CFAP92: variants seen among roughly 807,000 people sequenced by gnomAD.
CFAP92 encodes uncharacterized protein CFAP92.
Under a neutral mutation model 106.3 loss-of-function variants are expected in CFAP92, and 86 were observed. That is an observed-to-expected ratio of 0.81 (90% CI 0.68 to 0.97). The LOEUF (loss-of-function observed/expected upper bound fraction) is 0.97. Ranked by LOEUF, CFAP92 falls within the 50% of genes least tolerant of loss-of-function variation. CFAP92 has a pLI of 0.00. For missense variants in CFAP92, 1,204 were observed against 1,283.8 expected, an observed-to-expected ratio of 0.94 and a Z score of 0.95; for synonymous variants, 477 against 506.4, an observed-to-expected ratio of 0.94 and a Z score of 0.78.
the CFAP92 span, among the ~76,000 whole-genome samples, chr3:129,008,143 G>A: frequency 2.6e-5 from 4 of 152,344 alleles, no homozygotes; most frequent in East Asian, 1.9e-4. Context: ...GATACTTAGC[G>A]TGGAGTTTCC....
intron 4 of CFAP92, among the ~76,000 whole-genome samples, chr3:128,985,225 A>G (rs969231315): frequency 6.6e-6 from 1 of 152,196 alleles, no homozygotes; most frequent in African/African-American, 2.4e-5. Flanking sequence ...TTAGGAGGCC[A>G]AGGCAGGAGG....
intron 1 of CFAP92, among the ~76,000 whole-genome samples, chr3:128,999,361 C>T (rs1254376226): frequency 1.3e-5 from 2 of 152,058 alleles, no homozygotes; most frequent in Non-Finnish European, 2.9e-5. Flanking sequence ...TGGAGGCCGG[C>T]AACGGCTCCC....
At chr3:128,965,279 C>T (rs1225635604) in intron 9 of CFAP92, among the ~76,000 whole-genome samples, 1 of 152,232 alleles carries the variant, frequency 6.6e-6, no homozygotes, top group African/African-American at 2.4e-5. Flanking sequence ...AACGGCCCCA[C>T]CCCTATCTCC....
the CFAP92 span, among the ~76,000 whole-genome samples, chr3:129,014,474 G>A: frequency 3.9e-5 from 6 of 152,236 alleles, no homozygotes; most frequent in Non-Finnish European, 7.3e-5. This position sits in a 1 kb window ranked among gnomAD's most constrained non-coding sequence, Gnocchi z 4.3. Flanking sequence ...TTCCTTCTGT[G>A]TGTATTTCTG....
the CFAP92 span, among the ~76,000 whole-genome samples, chr3:129,019,188 T>C: frequency 2.6e-5 from 4 of 152,268 alleles, no homozygotes; most frequent in Non-Finnish European, 4.4e-5. Context: ...TTTTTGCCTT[T>C]GAATTCTTGA....
intron 12 of CFAP92, among the ~76,000 whole-genome samples, chr3:128,924,738 C>T (rs1269828245): frequency 4.6e-5 from 7 of 152,176 alleles, no homozygotes; most frequent in East Asian, 1.9e-4. Flanking sequence ...TGAGCCACCA[C>T]GCCCGACCGA....
rs548028599 is a variant in CFAP92 at position 128,971,297 on chromosome 3, C to T, written c.1158G>A (p.Pro386=). 26 of 1,613,648 alleles carry T rather than the reference C, an allele frequency of 1.6e-5. No individual in the cohort carries two copies. The highest frequency in any genetic ancestry group is 4.4e-5 in the South Asian group (4 of 90,972). The change falls in exon 8 of 16, where the codon CCG becomes CCA. Residue 386 remains proline (P), a synonymous_variant. Coordinates refer to ENST00000645291, the MANE Select transcript of CFAP92 (RefSeq NM_001394090.1). The part of the protein sequence containing the change: ...SAFSIQLAVM[P]LLAGWQTVVS... ...GCAAGCAGTGGGTACCGGCAAGGAGCGGCATGACGGCCAGCTGGATGGAGA... is the reference window on the plus strand; with the variant it reads ...GCAAGCAGTGGGTACCGGCAAGGAGTGGCATGACGGCCAGCTGGATGGAGA...
intron 12 of CFAP92, among the ~76,000 whole-genome samples, chr3:128,928,462 G>A (rs951003813): frequency 6.6e-6 from 1 of 152,068 alleles, no homozygotes; most frequent in Admixed American, 6.6e-5. Flanking sequence ...TATATGGAGA[G>A]GCATATAAGT....
At chr3:128,929,696 A>G (rs1256537062) in intron 12 of CFAP92, among the ~76,000 whole-genome samples, 2 of 152,238 alleles carry the variant, frequency 1.3e-5, no homozygotes, top group African/African-American at 2.4e-5. Flanking sequence ...TATGGTTCCA[A>G]TTACCTGAAA....
At chr3:129,003,929 C>G, upstream of CFAP92, 11 of 1,376,592 alleles carry the variant, frequency 8.0e-6, no homozygotes, top group Non-Finnish European at 1.0e-5. Context: ...GCGCCGTGGC[C>G]AGGCCGAGGT....
At position 128,915,221 on chromosome 3, in the gene CFAP92, C is replaced by G. The variant is rs1936708817; in HGVS notation, c.3178G>C (p.Asp1060His). The part of the protein sequence containing the change: ...ANVLEPVLDR[D>H]RWSWDRHHVD... The stretch of plus-strand genomic sequence containing the variant: ...TGGTGCCTGTCCCAGCTCCACCTGT[C>G]TCGATCCAACACAGGCTCCAGTACA... The change falls in exon 15 of 16, where the codon GAC becomes CAC. Residue 1060 changes from aspartate to histidine, a missense_variant. Coordinates refer to ENST00000645291, the MANE Select transcript of CFAP92 (RefSeq NM_001394090.1). 1.3e-6 allele frequency: 2 copies of G among 1,536,168 alleles called. No homozygotes were observed. The highest frequency in any genetic ancestry group is 2.0e-5 in the Admixed American group (1 of 51,004).
the CFAP92 span, among the ~76,000 whole-genome samples, chr3:129,012,494 T>C: frequency 6.6e-6 from 1 of 152,132 alleles, no homozygotes; most frequent in African/African-American, 2.4e-5. Flanking sequence ...GGACCCCAGA[T>C]TCATGACTTT....
At chr3:128,956,215 T>TAAAAAAAA (rs545191144) in intron 9 of CFAP92, among the ~76,000 whole-genome samples, 3 of 68,714 alleles carry the variant, frequency 4.4e-5, no homozygotes, top group Non-Finnish European at 9.0e-5. Flanking sequence ...AATAAAAAAA[T>TAAAAAAAA]AAAAAAAAAA....
chr3:128,989,655 A>G (rs910466984), intron 2 of CFAP92, among the ~76,000 whole-genome samples: 7 of 152,232 alleles, frequency 4.6e-5, no homozygotes, highest in Non-Finnish European at 1.0e-4. Context: ...GGCTTTTCAC[A>G]TCATAAGAAG....
In CFAP92 at chr3:128,971,323, A is replaced by AC. The variant is rs759588950; in HGVS notation, c.1131_1132insG (p.Phe378ValfsTer23). 1 of 1,613,650 alleles carries AC rather than the reference A, an allele frequency of 6.2e-7. No homozygotes were observed. The highest frequency in any genetic ancestry group is 8.5e-7 in the Non-Finnish European group (1 of 1,179,776). ...GGCATGACGGCCAGCTGGATGGAGA[A>AC]AGCGCTCTGCTTCCTGGGGCCTGTC... On this transcript the variant is annotated frameshift_variant, in exon 8 of 16. Transcript: ENST00000645291. LOFTEE classifies it high-confidence loss of function.
intron 12 of CFAP92, among the ~76,000 whole-genome samples, chr3:128,916,908 A>G (rs929054851): frequency 6.6e-6 from 1 of 152,216 alleles, no homozygotes; most frequent in Non-Finnish European, 1.5e-5. Flanking sequence ...TTTCATATGC[A>G]TATTTCACAG....
chr3:128,911,470 G>T (rs912964092), intron 15 of CFAP92, among the ~76,000 whole-genome samples: 1 of 151,786 alleles, frequency 6.6e-6, no homozygotes, highest in Admixed American at 6.6e-5. Context: ...GTCTCACTTT[G>T]TCACCCAGGC....
chr3:128,934,501 G>A (rs1403151704), intron 11 of CFAP92, among the ~76,000 whole-genome samples: 1 of 152,034 alleles, frequency 6.6e-6, no homozygotes, highest in Non-Finnish European at 1.5e-5. Context: ...TTACAGGCAT[G>A]AGCCACCGCA....
chr3:129,022,928 G>A, the CFAP92 span, among the ~76,000 whole-genome samples: 1 of 152,200 alleles, frequency 6.6e-6, no homozygotes, highest in Non-Finnish European at 1.5e-5. Context: ...CCCAAGCTGT[G>A]GTTTGGAGCT....
Sources: gnomAD v4.1 joint callset for allele counts (sites outside exome capture counted in the v4.1 genomes callset) on GRCh38, gnomAD v4.1.1 for gene constraint, Gnocchi (gnomAD v3.1) non-coding constraint, MANE v1.5 for transcripts, NCBI Gene and HGNC (gene_info 2026-07-23, HGNC 2026-07-21) for gene names.